Variants in CNTN5 observed in about 807,000 individuals in gnomAD.
CNTN5 encodes the protein contactin 5, also known as contactin-5.
A neutral mutation model predicts 129.1 loss-of-function variants in CNTN5; 77 were observed. The observed-to-expected ratio is 0.60, with a 90% confidence interval of 0.50 to 0.72. The LOEUF is 0.72. Among genes scored for constraint, CNTN5 ranks in the 30% least tolerant of loss-of-function variants. CNTN5 has a pLI of 0.00. For synonymous variants in CNTN5, 509 were observed against 465.6 expected, an observed-to-expected ratio of 1.09 and a Z score of -1.20; for missense variants, 1,478 against 1,328.8, an observed-to-expected ratio of 1.11 and a Z score of -1.75.
intron 6 of CNTN5, among the ~76,000 whole-genome samples, chr11:99,910,579 A>G (rs1949632254): frequency 6.6e-6 from 1 of 152,080 alleles, no homozygotes. Flanking sequence ...GTCCTGGTAT[A>G]GTTTTTAAAA....
Position 99,703,919 on chromosome 11 carries a change from A to G in CNTN5, c.56-115625A>G, listed in dbSNP as rs182168565. On this transcript the variant is annotated intron_variant, in intron 3 of 24. Transcript: ENST00000524871. ...ATGATATATAAGAAATGATTAATGCATAGGATTGTAGGTAGAGTAAGAATG... is the reference window on the plus strand; with the variant it reads ...ATGATATATAAGAAATGATTAATGCGTAGGATTGTAGGTAGAGTAAGAATG... Among the ~76,000 whole-genome samples the G allele has an allele frequency of 1.6e-3, 238 of 151,246 alleles. 3 individuals are homozygous for G. The highest frequency in any genetic ancestry group is 5.0e-3 in the African/African-American group (208 of 41,456).
chr11:99,590,123 G>A (rs183287249), intron 3 of CNTN5, among the ~76,000 whole-genome samples: 16 of 152,124 alleles, frequency 1.1e-4, no homozygotes, highest in South Asian at 2.1e-4. Flanking sequence ...CTATGTAAGC[G>A]GAAGAGAAAT....
intron 9 of CNTN5, among the ~76,000 whole-genome samples, chr11:100,005,882 T>C (rs1940159794): frequency 6.6e-6 from 1 of 152,172 alleles, no homozygotes; most frequent in African/African-American, 2.4e-5. Context: ...GTTCCCAGCC[T>C]TAGCGGAGTA....
chr11:100,238,681 C>A (rs1305574678), intron 16 of CNTN5, among the ~76,000 whole-genome samples: 2 of 152,088 alleles, frequency 1.3e-5, no homozygotes, highest in African/African-American at 4.8e-5. Context: ...TTTTTGGTAA[C>A]TGGTAGATAT....
At chr11:99,447,823 G>A (rs963675906) in intron 2 of CNTN5, among the ~76,000 whole-genome samples, 14 of 152,176 alleles carry the variant, frequency 9.2e-5, no homozygotes, top group Non-Finnish European at 1.9e-4. Flanking sequence ...TACTTGGGAG[G>A]CTGAGGCAGG....
At chr11:99,496,987 G>C (rs1565232025) in intron 2 of CNTN5, among the ~76,000 whole-genome samples, 1 of 152,138 alleles carries the variant, frequency 6.6e-6, no homozygotes, top group Non-Finnish European at 1.5e-5. Context: ...GTGCTTCCTA[G>C]TTGTTTGATT....
At chr11:99,738,098 CT>C (rs1347665627) in intron 3 of CNTN5, among the ~76,000 whole-genome samples, 3 of 152,268 alleles carry the variant, frequency 2.0e-5, no homozygotes, top group Admixed American at 6.5e-5. Flanking sequence ...TTTAGATGGT[CT>C]TAAGGACTGA....
intron 13 of CNTN5, among the ~76,000 whole-genome samples, chr11:100,165,783 G>A (rs1947612983): frequency 6.6e-6 from 1 of 151,652 alleles, no homozygotes; most frequent in African/African-American, 2.4e-5. Flanking sequence ...GTGTTTGTTA[G>A]GCACAGTGCT....
chr11:100,147,959 T>C (rs1273458535), intron 13 of CNTN5, among the ~76,000 whole-genome samples: 1 of 152,150 alleles, frequency 6.6e-6, no homozygotes, highest in Non-Finnish European at 1.5e-5. Flanking sequence ...CTAAAGCTTT[T>C]AAAAATATTT....
intron 3 of CNTN5, among the ~76,000 whole-genome samples, chr11:99,793,514 G>A (rs527778726): frequency 6.6e-6 from 1 of 152,156 alleles, no homozygotes; most frequent in South Asian, 2.1e-4. Context: ...AGTTCCTCTA[G>A]TTGATAATTT....
Position 99,211,306 on chromosome 11 carries a change from T to C in CNTN5, c.-209-114040T>C, listed in dbSNP as rs966471. ...TGAAAGGACGCAAAGATAGATTTTT[T>C]GGGGGGTTTGTTTTGCTATACTATG... is the stretch of plus-strand genomic sequence containing the variant. On this transcript the variant is annotated intron_variant, in intron 1 of 24. Transcript: ENST00000524871. Among the ~76,000 whole-genome samples the C allele has an allele frequency of 8.3e-3, 1,259 of 152,234 alleles. 76 individuals are homozygous for C. The highest frequency in any genetic ancestry group is 0.073 in the Admixed American group (1,113 of 15,258).
At chr11:99,569,393 AAGCTCC>A (rs1949107678) in intron 3 of CNTN5, among the ~76,000 whole-genome samples, 1 of 152,120 alleles carries the variant, frequency 6.6e-6, no homozygotes, top group Non-Finnish European at 1.5e-5. Context: ...GCCTCACTGC[AAGCTCC>A]GCCTCCCGGG....
chr11:100,185,150 G>T (rs998096986), intron 13 of CNTN5, among the ~76,000 whole-genome samples: 3 of 152,066 alleles, frequency 2.0e-5, no homozygotes, highest in Non-Finnish European at 1.5e-5. Context: ...TCTCAGGTAC[G>T]TCTTTATACC....
At chr11:99,479,916 A>G (rs1476038129) in intron 2 of CNTN5, among the ~76,000 whole-genome samples, 2 of 151,934 alleles carry the variant, frequency 1.3e-5, no homozygotes, top group African/African-American at 4.8e-5. Flanking sequence ...TTCTTATCAG[A>G]ACTGGATAAA....
chr11:99,815,164 T>A (rs185078510), intron 3 of CNTN5, among the ~76,000 whole-genome samples: 29 of 150,850 alleles, frequency 1.9e-4, no homozygotes, highest in Admixed American at 1.7e-3. Context: ...CCATATTAAA[T>A]AATATAAGAT....
At chr11:99,853,804 A>G (rs1947950202) in intron 6 of CNTN5, among the ~76,000 whole-genome samples, 1 of 152,168 alleles carries the variant, frequency 6.6e-6, no homozygotes, top group Non-Finnish European at 1.5e-5. Flanking sequence ...TTGATGAAGG[A>G]AGTTCTATTA....
chr11:99,524,154 G>A (rs1947396305), intron 2 of CNTN5, among the ~76,000 whole-genome samples: 1 of 152,104 alleles, frequency 6.6e-6, no homozygotes, highest in Non-Finnish European at 1.5e-5. Flanking sequence ...ACATGCCATA[G>A]CAACAGGCAG....
At chr11:99,751,388 A>G (rs879631096) in intron 3 of CNTN5, among the ~76,000 whole-genome samples, 1 of 152,216 alleles carries the variant, frequency 6.6e-6, no homozygotes, top group Non-Finnish European at 1.5e-5. Context: ...TACATGGGAC[A>G]AGATTACAGT....
chr11:100,266,892 C>G (rs546536839), intron 17 of CNTN5, among the ~76,000 whole-genome samples: 34 of 152,138 alleles, frequency 2.2e-4, no homozygotes, highest in African/African-American at 7.9e-4. Flanking sequence ...GTTTACCAAG[C>G]GCCTTTTAGG....
Sources: allele counts gnomAD v4.1 joint callset (sites outside exome capture counted in the v4.1 genomes callset), GRCh38; gene constraint gnomAD v4.1.1; transcripts MANE v1.5; gene names NCBI Gene and HGNC (gene_info 2026-07-23, HGNC 2026-07-21).